Variants in PAFAH1B2 observed in about 807,000 individuals in gnomAD.
PAFAH1B2 encodes the protein platelet activating factor acetylhydrolase 1b catalytic subunit 2.
Under a neutral mutation model 28.0 loss-of-function variants are expected in PAFAH1B2, and 8 were observed. The ratio of observed to expected loss-of-function variants is 0.29; its 90% CI spans 0.17 to 0.52. The LOEUF is 0.52. PAFAH1B2 is among the 20% of genes least tolerant of loss of function. PAFAH1B2 has a pLI of 0.97. For missense variants in PAFAH1B2, 190 were observed against 282.6 expected, an observed-to-expected ratio of 0.67 and a Z score of 2.35; for synonymous variants, 104 against 103.2, an observed-to-expected ratio of 1.01 and a Z score of -0.05.
At chr11:117,164,300 G>A (rs150984554) in intron 5 of PAFAH1B2, among the ~76,000 whole-genome samples, 8,134 of 152,174 alleles carry the variant, frequency 0.053, 256 homozygotes, top group Middle Eastern at 0.1. Flanking sequence ...CCAGCTACTC[G>A]GGAGGCCGAG....
intron 1 of PAFAH1B2, among the ~76,000 whole-genome samples, chr11:117,148,269 T>G (rs1956063076): frequency 6.6e-6 from 1 of 152,078 alleles, no homozygotes; most frequent in Non-Finnish European, 1.5e-5. Context: ...GCCAGGCTGG[T>G]CTCGAACTCC....
chr11:117,145,146 A>AG (rs1293363793), intron 1 of PAFAH1B2, among the ~76,000 whole-genome samples: 1 of 152,194 alleles, frequency 6.6e-6, no homozygotes, highest in Non-Finnish European at 1.5e-5. Context: ...AAGGTCAGCC[A>AG]GCTAGATAAA....
chr11:117,166,787 T>C (rs919034339), intron 5 of PAFAH1B2, among the ~76,000 whole-genome samples: 6 of 152,234 alleles, frequency 3.9e-5, no homozygotes, highest in African/African-American at 1.4e-4. Flanking sequence ...TGTGTATCTA[T>C]GAGCTTGATT....
intron 1 of PAFAH1B2, among the ~76,000 whole-genome samples, chr11:117,147,904 T>C (rs1233540016): frequency 6.6e-6 from 1 of 152,224 alleles, no homozygotes; most frequent in East Asian, 1.9e-4. Flanking sequence ...TCTATGTGTA[T>C]GCTTTTTTTA....
At chr11:117,177,346 T>C (rs1340077467), downstream of PAFAH1B2, among the ~76,000 whole-genome samples, 1 of 152,218 alleles carries the variant, frequency 6.6e-6, no homozygotes. Context: ...CTACTCTATA[T>C]TTTTAGAATT....
At chr11:117,151,492 G>T (rs1310284617) in intron 1 of PAFAH1B2, among the ~76,000 whole-genome samples, 1 of 151,954 alleles carries the variant, frequency 6.6e-6, no homozygotes, top group Non-Finnish European at 1.5e-5. Flanking sequence ...GCCTCCCAAA[G>T]TGCTGGGATT....
chr11:117,144,766 C>T (rs1352700455), intron 1 of PAFAH1B2, among the ~76,000 whole-genome samples: 1 of 152,080 alleles, frequency 6.6e-6, no homozygotes, highest in Admixed American at 6.5e-5. Flanking sequence ...CTGCCCTGCC[C>T]TGCCGGGCCC....
chr11:117,145,515 G>T (rs1363977171), intron 1 of PAFAH1B2, among the ~76,000 whole-genome samples: 1 of 152,166 alleles, frequency 6.6e-6, no homozygotes, highest in Non-Finnish European at 1.5e-5. Context: ...CCTTGGATGT[G>T]CCTTGTGTCT....
At chr11:117,173,383 C>T (rs1956714485), downstream of PAFAH1B2, among the ~76,000 whole-genome samples, 1 of 152,244 alleles carries the variant, frequency 6.6e-6, no homozygotes, top group Non-Finnish European at 1.5e-5. Flanking sequence ...GGAAGCCTAG[C>T]TCCACTGTGA....
intron 2 of PAFAH1B2, among the ~76,000 whole-genome samples, chr11:117,157,410 A>G (rs551669345): frequency 2.0e-5 from 3 of 152,198 alleles, no homozygotes; most frequent in Admixed American, 2.0e-4. Flanking sequence ...ACAGAGGCCT[A>G]GGATTACAGG....
downstream of PAFAH1B2, among the ~76,000 whole-genome samples, chr11:117,177,977 TTTATA>T: frequency 6.6e-6 from 1 of 152,374 alleles, no homozygotes. Context: ...TCCTTTTTGC[TTTATA>T]TTATAAATAT....
downstream of PAFAH1B2, chr11:117,174,962 C>T (rs778161677): frequency 1.3e-6 from 2 of 1,500,218 alleles, no homozygotes; most frequent in Non-Finnish European, 1.8e-6. Flanking sequence ...GAAGCTTCCT[C>T]CCTGTCCTCT....
chr11:117,149,430 G>GTTCTTTTTTTTTTTTTTTT (rs1555027905), intron 1 of PAFAH1B2, among the ~76,000 whole-genome samples: 1 of 86,050 alleles, frequency 1.2e-5, no homozygotes, highest in African/African-American at 4.6e-5. Flanking sequence ...TTTTCTAATC[G>GTTCTTTTTTTTTTTTTTTT]TTTTTTTTTT....
At chr11:117,155,354 C>G (rs1046484969) in intron 2 of PAFAH1B2, among the ~76,000 whole-genome samples, 5 of 151,976 alleles carry the variant, frequency 3.3e-5, no homozygotes, top group Admixed American at 6.6e-5. Context: ...CAGCAGCAGA[C>G]TAAGGAAAAT....
intron 3 of PAFAH1B2, among the ~76,000 whole-genome samples, chr11:117,160,403 A>G (rs1269031113): frequency 2.0e-5 from 3 of 152,100 alleles, no homozygotes; most frequent in African/African-American, 4.8e-5. Flanking sequence ...TTCCTATTTC[A>G]TATATTTTTG....
At chr11:117,149,677 C>A (rs1956103593) in intron 1 of PAFAH1B2, among the ~76,000 whole-genome samples, 1 of 151,602 alleles carries the variant, frequency 6.6e-6, no homozygotes, top group Non-Finnish European at 1.5e-5. Context: ...CGTGATCTGC[C>A]TGCCTCGGCC....
At chr11:117,144,801 C>T (rs1955956893) in intron 1 of PAFAH1B2, among the ~76,000 whole-genome samples, 1 of 152,064 alleles carries the variant, frequency 6.6e-6, no homozygotes, top group South Asian at 2.1e-4. Flanking sequence ...TTGCGCACCC[C>T]AGCTCGCCCC....
chr11:117,168,275 CT>C lies in PAFAH1B2; in HGVS notation c.*580del. 1 of 1,063,052 alleles carries C rather than the reference CT, an allele frequency of 9.4e-7. No homozygotes were observed. Among genetic ancestry groups the C allele is most frequent in the Non-Finnish European group, 1.1e-6 (1 of 877,924 alleles). The allele number at this position is 1,063,052 out of a possible 1,614,324, so 65.9% of individuals were successfully genotyped here. ...AGTGAATTTGTTCTGCTTTCTTAAT[CT>C]TTTCCATGCTTAGCAGTGAAAAACA... On this transcript the variant is annotated 3_prime_UTR_variant, in exon 6 of 6. Coordinates refer to ENST00000527958, the MANE Select transcript of PAFAH1B2 (RefSeq NM_002572.4).
In PAFAH1B2 at chr11:117,170,498, G is replaced by A. The variant is rs991345065; in HGVS notation, c.*2799G>A. On this transcript the variant is annotated 3_prime_UTR_variant, in exon 6 of 6. Transcript: ENST00000527958. ...CTCGGTCGCCGTAGACAGCGCTCTG[G>A]CTACCACCGTGAGGCTACTTGAACT... 6.6e-6 allele frequency: 7 copies of A among 1,058,228 alleles called. No individual in the cohort carries two copies. The highest frequency in any genetic ancestry group is 5.5e-5 in the Admixed American group (1 of 18,210). 65.6% of individuals were successfully genotyped at this position (1,058,228 alleles called of 1,614,324 possible).
Sources: gnomAD v4.1 joint callset for allele counts (sites outside exome capture counted in the v4.1 genomes callset) on GRCh38, gnomAD v4.1.1 for gene constraint, MANE v1.5 for transcripts, NCBI Gene and HGNC (gene_info 2026-07-23, HGNC 2026-07-21) for gene names.